The following SNTG2 variants were observed in gnomAD, a reference collection of about 807,000 sequenced individuals.
SNTG2 encodes the protein gamma-2-syntrophin.
A neutral mutation model predicts 70.9 loss-of-function variants in SNTG2; 74 were observed. The ratio of observed to expected loss-of-function variants is 1.04; its 90% CI spans 0.86 to 1.27. The LOEUF (loss-of-function observed/expected upper bound fraction) is 1.27, where lower values mean the gene tolerates loss of function less well. SNTG2 is among the 50% of genes most tolerant of loss of function. SNTG2 has a pLI of 0.00. For synonymous variants in SNTG2, 278 were observed against 273.8 expected (o/e 1.02, Z -0.15); for missense variants, 717 against 690.7 (o/e 1.04, Z -0.43).
At chr2:958,700 T>A (rs912200090) in intron 1 of SNTG2, among the ~76,000 whole-genome samples, 5 of 152,298 alleles carry the variant, frequency 3.3e-5, no homozygotes, top group Admixed American at 6.5e-5. Context: ...TCTTTTTTTT[T>A]AAAGTGGTTC....
At chr2:1,136,137 T>C (rs1042173103) in intron 4 of SNTG2, among the ~76,000 whole-genome samples, 1 of 152,180 alleles carries the variant, frequency 6.6e-6, no homozygotes, top group Non-Finnish European at 1.5e-5. Flanking sequence ...ATTCTGTGTG[T>C]ACTTTCTTCT....
At chr2:1,067,782 C>T (rs1027140249) in intron 1 of SNTG2, among the ~76,000 whole-genome samples, 22 of 152,144 alleles carry the variant, frequency 1.4e-4, no homozygotes, top group African/African-American at 4.8e-4. Flanking sequence ...TGAGGAAATT[C>T]GAGTGAGGTT....
intron 1 of SNTG2, among the ~76,000 whole-genome samples, chr2:1,027,378 C>A (rs1660536582): frequency 6.6e-6 from 1 of 151,312 alleles, no homozygotes; most frequent in Non-Finnish European, 1.5e-5. Context: ...CAGACACTAC[C>A]CAGCAAGTAA....
At chr2:1,039,865 C>A (rs960227082) in intron 1 of SNTG2, among the ~76,000 whole-genome samples, 11 of 152,148 alleles carry the variant, frequency 7.2e-5, no homozygotes, top group Non-Finnish European at 1.5e-4. Flanking sequence ...CCTGTTTAAC[C>A]TTCTCCATCT....
chr2:1,267,265 C>G (rs773431141), intron 13 of SNTG2, 100 bp from the exon 14 acceptor site: 4 of 1,135,852 alleles, frequency 3.5e-6, no homozygotes, highest in Non-Finnish European at 5.1e-6. Flanking sequence ...GAGACCGTTT[C>G]CCAGATCACG....
chr2:1,103,159 G>A (rs536567757), intron 4 of SNTG2, among the ~76,000 whole-genome samples: 3 of 152,272 alleles, frequency 2.0e-5, no homozygotes, highest in East Asian at 3.9e-4. Context: ...TCTCCTCAGT[G>A]CAGATATAGG....
At chr2:1,341,921 C>A (rs1285231343) in intron 16 of SNTG2, among the ~76,000 whole-genome samples, 1 of 150,792 alleles carries the variant, frequency 6.6e-6, no homozygotes, top group Non-Finnish European at 1.5e-5. Context: ...TCATAGCTCA[C>A]TGCAGGCTCA....
At chr2:1,190,179 C>T (rs934821332) in intron 8 of SNTG2, among the ~76,000 whole-genome samples, 4 of 151,902 alleles carry the variant, frequency 2.6e-5, no homozygotes, top group African/African-American at 9.7e-5. Flanking sequence ...TTGGTTTCCA[C>T]AGGGGATTGG....
At chr2:1,138,978 A>G (rs1342836432) in intron 6 of SNTG2, among the ~76,000 whole-genome samples, 1 of 152,236 alleles carries the variant, frequency 6.6e-6, no homozygotes, top group Non-Finnish European at 1.5e-5. Context: ...CTGTGTCTTC[A>G]TTCAAGATGT....
At chr2:958,149 C>G (rs541784658) in intron 1 of SNTG2, among the ~76,000 whole-genome samples, 51 of 152,188 alleles carry the variant, frequency 3.4e-4, no homozygotes, top group African/African-American at 1.2e-3. Context: ...AGGTGTGGTC[C>G]GCATGGTGGC....
chr2:1,227,599 C>T (rs900869614), intron 9 of SNTG2, among the ~76,000 whole-genome samples: 5 of 152,230 alleles, frequency 3.3e-5, no homozygotes, highest in Non-Finnish European at 7.3e-5. Context: ...TCCACACAAG[C>T]TCCTCAGGCC....
chr2:1,308,530 CTG>C lies in SNTG2; in HGVS notation c.1325_1326del (p.Cys442PhefsTer13), dbSNP rs1431841382. 1.3e-6 allele frequency: 2 copies of C among 1,551,544 alleles called. No individual in the cohort carries two copies. Among genetic ancestry groups the C allele is most frequent in the East Asian group, 2.4e-5 (1 of 40,926 alleles). ...CATGTGCAGCTGGCAAGGAGAGATG[CTG>C]TGTTTCACGGTGGATTTCGCGTTGG... Reference protein sequence around the residue: ...TYMCSWQGEMLCFTVDFALGF... With the variant: ...TYMCSWQGEMXCFTVDFALGF... On this transcript the variant is annotated frameshift_variant, in exon 15 of 17. Coordinates refer to ENST00000308624, the MANE Select transcript of SNTG2 (RefSeq NM_018968.4). LOFTEE classifies it high-confidence loss of function.
chr2:981,798 A>G lies in SNTG2; in HGVS notation c.72+30730A>G, dbSNP rs1661107517. ...CCCCCACACTTGCAAGCAGACATGT[A>G]TACCATGCACATGAAACTATGCACA... On this transcript the variant is annotated intron_variant, in intron 1 of 16. Transcript: ENST00000308624. Among the ~76,000 whole-genome samples the G allele has an allele frequency of 2.6e-5, 4 of 152,334 alleles. 1 individual carries two copies. In the South Asian group the frequency reaches 8.3e-4, roughly 32 times the overall value.
chr2:1,029,507 T>G (rs1295700605), intron 1 of SNTG2, among the ~76,000 whole-genome samples: 1 of 152,138 alleles, frequency 6.6e-6, no homozygotes, highest in Non-Finnish European at 1.5e-5. Context: ...TTGAAGGAAA[T>G]TAAGAAATGG....
intron 16 of SNTG2, 93 bp from the exon 17 acceptor site, chr2:1,367,250 T>C (rs972338628): frequency 1.6e-6 from 2 of 1,251,230 alleles, no homozygotes; most frequent in African/African-American, 3.0e-5. Flanking sequence ...AGGGACTTTC[T>C]TGGAGTTCAC....
chr2:1,297,342 C>T (rs77438090), intron 14 of SNTG2, among the ~76,000 whole-genome samples: 4 of 152,222 alleles, frequency 2.6e-5, no homozygotes, highest in Non-Finnish European at 2.9e-5. Flanking sequence ...AATGTAAACC[C>T]GTTACTTTGC....
At chr2:1,223,686 G>A (rs1163151492) in intron 9 of SNTG2, among the ~76,000 whole-genome samples, 1 of 152,254 alleles carries the variant, frequency 6.6e-6, no homozygotes, top group Non-Finnish European at 1.5e-5. Context: ...CAAAGAGGGA[G>A]GAGCCAGGCG....
chr2:1,038,554 A>G (rs1193078174), intron 1 of SNTG2, among the ~76,000 whole-genome samples: 3 of 152,162 alleles, frequency 2.0e-5, no homozygotes, highest in African/African-American at 7.2e-5. Flanking sequence ...CTTTTCTGCC[A>G]TTTTCCTTTT....
intron 14 of SNTG2, among the ~76,000 whole-genome samples, chr2:1,282,141 T>C (rs1035649085): frequency 2.0e-5 from 3 of 152,210 alleles, no homozygotes; most frequent in African/African-American, 7.2e-5. Context: ...TTGGCTTTGG[T>C]ATGACTACAG....
Sources: gnomAD v4.1 joint callset for allele counts (sites outside exome capture counted in the v4.1 genomes callset) on GRCh38, gnomAD v4.1.1 for gene constraint, MANE v1.5 for transcripts, NCBI Gene and HGNC (gene_info 2026-07-23, HGNC 2026-07-21) for gene names.